The following PDGFD variants were observed in gnomAD, a reference collection of about 807,000 sequenced individuals.
PDGFD encodes platelet derived growth factor D, also known as platelet-derived growth factor D.
A neutral mutation model predicts 44.7 loss-of-function variants in PDGFD; 30 were observed. That is an observed-to-expected ratio of 0.67 (90% confidence interval 0.50 to 0.91). The LOEUF (loss-of-function observed/expected upper bound fraction) is 0.91, where lower values mean the gene tolerates loss of function less well. PDGFD is among the 40% of genes least tolerant of loss of function. The pLI, the probability that PDGFD is intolerant of heterozygous loss-of-function variation, is 0.00. For synonymous variants in PDGFD, 173 were observed against 168.4 expected (o/e 1.03, Z -0.21); for missense variants, 445 against 457.8 (o/e 0.97, Z 0.25).
At chr11:104,151,421 A>G (rs1715098023) in intron 1 of PDGFD, among the ~76,000 whole-genome samples, 1 of 152,222 alleles carries the variant, frequency 6.6e-6, no homozygotes. Context: ...GATATAATAC[A>G]GAATAGAATT....
chr11:104,084,385 G>A (rs911315899), intron 1 of PDGFD, among the ~76,000 whole-genome samples: 1 of 152,098 alleles, frequency 6.6e-6, no homozygotes, highest in Non-Finnish European at 1.5e-5. Context: ...CAGCCTTAAA[G>A]AGATCTGGGG....
At chr11:103,936,562 G>A (rs1383801910) in intron 5 of PDGFD, among the ~76,000 whole-genome samples, 2 of 152,028 alleles carry the variant, frequency 1.3e-5, no homozygotes, top group Non-Finnish European at 2.9e-5. Flanking sequence ...TTATTTCTCA[G>A]TTTCTTATGC....
chr11:104,088,192 C>T (rs887856726), intron 1 of PDGFD, among the ~76,000 whole-genome samples: 1 of 152,214 alleles, frequency 6.6e-6, no homozygotes, highest in Non-Finnish European at 1.5e-5. Context: ...TGCACTAGCA[C>T]AAGCCCTTGT....
intron 1 of PDGFD, among the ~76,000 whole-genome samples, chr11:104,147,895 T>C (rs1419878435): frequency 1.3e-5 from 2 of 152,022 alleles, no homozygotes; most frequent in African/African-American, 4.8e-5. Flanking sequence ...CCAGAAAGAG[T>C]AATTTTAAAA....
intron 1 of PDGFD, among the ~76,000 whole-genome samples, chr11:104,114,860 T>C (rs1342169869): frequency 6.6e-6 from 1 of 151,834 alleles, no homozygotes; most frequent in East Asian, 1.9e-4. Context: ...AGTGCTAATT[T>C]AAATCATAAC....
In PDGFD at chr11:104,024,462, T is replaced by A. The variant is rs913865062; in HGVS notation, c.125-24207A>T. On this transcript the variant is annotated intron_variant, in intron 1 of 6. Coordinates refer to ENST00000393158, the MANE Select transcript of PDGFD (RefSeq NM_025208.5). ...TTTGCTAATACAATCACATAACACA[T>A]AATGTTTCCCTCAATGACAAATTGT... Among the ~76,000 whole-genome samples, 14 of 152,300 alleles carry A rather than the reference T, an allele frequency of 9.2e-5. 1 individual carries two copies. Among genetic ancestry groups the A allele is most frequent in the Admixed American group, 2.6e-4 (4 of 15,292 alleles).
At chr11:103,966,247 C>T (rs1859018576) in intron 3 of PDGFD, among the ~76,000 whole-genome samples, 1 of 152,124 alleles carries the variant, frequency 6.6e-6, no homozygotes, top group South Asian at 2.1e-4. Flanking sequence ...CATTTAATCA[C>T]AGTGTCAGAT....
In PDGFD at chr11:103,909,820, C is replaced by T. The variant is rs1315807503; in HGVS notation, c.988-1G>A. ...TGTGGCCAGGCTCAAACTGTAATAC[C>T]TAGGACAAGAAGCACATCTCCTGTT... On this transcript the variant is annotated splice_acceptor_variant, in intron 6 of 6. Transcript: ENST00000393158. LOFTEE classifies it high-confidence loss of function. 3 of 1,613,996 alleles carry T rather than the reference C, an allele frequency of 1.9e-6. No individual in the cohort carries two copies. Among genetic ancestry groups the T allele is most frequent in the Non-Finnish European group, 2.5e-6 (3 of 1,179,998 alleles).
chr11:104,120,372 T>C (rs1861760098), intron 1 of PDGFD, among the ~76,000 whole-genome samples: 1 of 151,944 alleles, frequency 6.6e-6, no homozygotes, highest in Non-Finnish European at 1.5e-5. Context: ...TTTAAAATCC[T>C]AGTTTAAAAT....
At chr11:104,148,532 A>G (rs1430871583) in intron 1 of PDGFD, among the ~76,000 whole-genome samples, 1 of 152,178 alleles carries the variant, frequency 6.6e-6, no homozygotes, top group East Asian at 1.9e-4. Flanking sequence ...GCAATAATTA[A>G]AAAAATGAAA....
chr11:103,938,574 C>T (rs921268086), intron 5 of PDGFD, among the ~76,000 whole-genome samples: 1 of 152,076 alleles, frequency 6.6e-6, no homozygotes, highest in African/African-American at 2.4e-5. Context: ...TCCCATTTGT[C>T]AATTTTGGCT....
chr11:103,980,855 T>C (rs1859260100), intron 3 of PDGFD, among the ~76,000 whole-genome samples: 1 of 151,958 alleles, frequency 6.6e-6, no homozygotes, highest in South Asian at 2.1e-4. Context: ...AAGAGAGCCC[T>C]CACCAAAACC....
chr11:104,030,961 T>A (rs1487557940), intron 1 of PDGFD, among the ~76,000 whole-genome samples: 8 of 152,180 alleles, frequency 5.3e-5, no homozygotes, highest in Admixed American at 4.6e-4. Context: ...AACTCATTAA[T>A]TTATATTACA....
chr11:104,037,773 T>C, intron 1 of PDGFD: 1 of 1,614,182 alleles, frequency 6.2e-7, no homozygotes, highest in East Asian at 2.2e-5. Flanking sequence ...TACAGTGCTC[T>C]TTCTCCATAC....
chr11:104,147,128 T>C (rs1328976875), intron 1 of PDGFD, among the ~76,000 whole-genome samples: 2 of 152,200 alleles, frequency 1.3e-5, no homozygotes, highest in Non-Finnish European at 1.5e-5. Context: ...ATAAGGTTGT[T>C]GAAGAGATTC....
At chr11:103,968,771 T>C (rs1451983519) in intron 3 of PDGFD, among the ~76,000 whole-genome samples, 2 of 152,184 alleles carry the variant, frequency 1.3e-5, no homozygotes, top group South Asian at 2.1e-4. Flanking sequence ...ATACTACCCA[T>C]GTAACTTCCA....
intron 1 of PDGFD, among the ~76,000 whole-genome samples, chr11:104,128,427 C>G (rs1861870725): frequency 6.6e-6 from 1 of 152,134 alleles, no homozygotes; most frequent in African/African-American, 2.4e-5. Context: ...TTCATCACAG[C>G]AAACAAAACA....
chr11:104,062,810 C>T (rs548307101), intron 1 of PDGFD, among the ~76,000 whole-genome samples: 6 of 152,150 alleles, frequency 3.9e-5, no homozygotes, highest in Non-Finnish European at 8.8e-5. Flanking sequence ...CACCATTTTC[C>T]ACAACAGATA....
At chr11:104,082,858 A>G in intron 1 of PDGFD, among the ~76,000 whole-genome samples, 1 of 152,170 alleles carries the variant, frequency 6.6e-6, no homozygotes, top group East Asian at 1.9e-4. Context: ...TCTTAAAGTG[A>G]TCCTCCCTCC....
Sources: gnomAD v4.1 joint callset for allele counts (sites outside exome capture counted in the v4.1 genomes callset) on GRCh38, gnomAD v4.1.1 for gene constraint, MANE v1.5 for transcripts, NCBI Gene and HGNC (gene_info 2026-07-23, HGNC 2026-07-21) for gene names.